The following TTC6 variants were observed in gnomAD, a reference collection of about 807,000 sequenced individuals.
The protein encoded by TTC6 is tetratricopeptide repeat domain 6, also known as tetratricopeptide repeat protein 6.
TTC6 carries 172 observed loss-of-function variants against 210.4 expected under a neutral mutation model. The ratio of observed to expected loss-of-function variants is 0.82; its 90% CI spans 0.72 to 0.93. The LOEUF (loss-of-function observed/expected upper bound fraction) is 0.93. TTC6 is among the 40% of genes least tolerant of loss of function. The pLI is 0.00. For missense variants in TTC6, 2,414 were observed against 2,318.1 expected (o/e 1.04, Z -0.85); for synonymous variants, 804 against 819.6 (o/e 0.98, Z 0.32).
At chr14:37,705,392 A>G (rs2095833502) in intron 5 of TTC6, among the ~76,000 whole-genome samples, 1 of 152,160 alleles carries the variant, frequency 6.6e-6, no homozygotes, top group Non-Finnish European at 1.5e-5. Context: ...ATGCAAGAAA[A>G]TGCGAAAATG....
chr14:37,812,228 C>G (rs2096131117), intron 24 of TTC6, 86 bp from the exon 27 acceptor site: 1 of 1,368,894 alleles, frequency 7.3e-7, no homozygotes, highest in Non-Finnish European at 9.9e-7. Flanking sequence ...CCATTGGGTC[C>G]TAGTTTGGAC....
intron 1 of TTC6, among the ~76,000 whole-genome samples, chr14:37,600,588 T>C (rs2095613895): frequency 6.6e-6 from 1 of 152,202 alleles, no homozygotes; most frequent in African/African-American, 2.4e-5. Flanking sequence ...TCAAATTACA[T>C]GGCACTATTT....
At chr14:37,742,977 G>A (rs191616323) in intron 10 of TTC6, among the ~76,000 whole-genome samples, 19 of 152,232 alleles carry the variant, frequency 1.2e-4, no homozygotes, top group Admixed American at 1.2e-3. Context: ...TAGTAAAATC[G>A]TCCTTATTTT....
chr14:37,699,108 A>T (rs539066625), intron 4 of TTC6, among the ~76,000 whole-genome samples: 2 of 152,174 alleles, frequency 1.3e-5, no homozygotes, highest in East Asian at 3.9e-4. Context: ...GCAACTTACA[A>T]AAAGAGACAG....
chr14:37,783,180 A>G (rs1292788684), intron 14 of TTC6, among the ~76,000 whole-genome samples: 4 of 152,012 alleles, frequency 2.6e-5, no homozygotes, highest in Admixed American at 2.6e-4. Context: ...TTTTCTATTG[A>G]TTGGAATAGT....
intron 14 of TTC6, among the ~76,000 whole-genome samples, chr14:37,780,917 T>C (rs563975065): frequency 6.6e-6 from 1 of 152,270 alleles, no homozygotes; most frequent in South Asian, 2.1e-4. Context: ...CTAAGAACGA[T>C]GATTTCCAGC....
At chr14:37,654,324 G>T (rs1325690439) in intron 1 of TTC6, among the ~76,000 whole-genome samples, 1 of 152,132 alleles carries the variant, frequency 6.6e-6, no homozygotes, top group Non-Finnish European at 1.5e-5. Flanking sequence ...TTTCCGTGAT[G>T]TGGTTGTTTC....
intron 3 of TTC6, among the ~76,000 whole-genome samples, chr14:37,685,471 A>G (rs1416598493): frequency 6.6e-6 from 1 of 152,206 alleles, no homozygotes; most frequent in Non-Finnish European, 1.5e-5. Context: ...GAGGGGGAAT[A>G]AAAAGAAAGA....
chr14:37,756,638 A>G (rs2139071250), intron 14 of TTC6, among the ~76,000 whole-genome samples: 3 of 152,168 alleles, frequency 2.0e-5, no homozygotes, highest in Admixed American at 2.0e-4. Flanking sequence ...TATTTATGTG[A>G]TGGATTACAT....
intron 10 of TTC6, among the ~76,000 whole-genome samples, chr14:37,747,538 CT>C (rs1156764600): frequency 1.3e-5 from 2 of 152,080 alleles, no homozygotes; most frequent in Non-Finnish European, 2.9e-5. Context: ...CAGTAGTGAT[CT>C]TTTTACAAGG....
intron 5 of TTC6, 94 bp from the exon 8 acceptor site, chr14:37,714,561 G>A: frequency 1.1e-6 from 1 of 942,784 alleles, no homozygotes; most frequent in Non-Finnish European, 1.5e-6. Flanking sequence ...AAATGTCCAT[G>A]TGTTTATTTC....
intron 17 of TTC6, among the ~76,000 whole-genome samples, chr14:37,792,698 A>C (rs1022796377): frequency 6.6e-6 from 1 of 151,774 alleles, no homozygotes; most frequent in Non-Finnish European, 1.5e-5. Context: ...ATGCGATAGG[A>C]ATAAACTAAA....
intron 12 of TTC6, 57 bp from the exon 15 acceptor site, chr14:37,750,996 T>G (rs1356954886): frequency 3.3e-6 from 4 of 1,202,072 alleles, no homozygotes; most frequent in Non-Finnish European, 3.3e-6. Flanking sequence ...ACTCTTAAAA[T>G]TTTCATAGGA....
exon 1 of TTC6, chr14:37,622,075 T>G (rs1204310287): frequency 6.5e-7 from 1 of 1,527,196 alleles, no homozygotes; most frequent in Admixed American, 2.0e-5. Context: ...ATGTCCACAA[T>G]CCCGAGACAC....
chr14:37,745,310 T>G (rs12431986), intron 10 of TTC6, among the ~76,000 whole-genome samples: 100,684 of 152,004 alleles, frequency 0.66, 33,912 homozygotes, highest in East Asian at 0.89. Flanking sequence ...AAGCTATCTT[T>G]GTTTTACACT....
At chr14:37,725,327 T>A (rs1314652545) in intron 7 of TTC6, among the ~76,000 whole-genome samples, 1 of 90,598 alleles carries the variant, frequency 1.1e-5, no homozygotes, top group East Asian at 2.7e-4. Context: ...TATATATATA[T>A]ATATATATAT....
chr14:37,821,906 G>A (rs1012761890), intron 26 of TTC6, among the ~76,000 whole-genome samples: 2 of 145,970 alleles, frequency 1.4e-5, no homozygotes, highest in South Asian at 2.3e-4. Context: ...TTAGCCTCCC[G>A]AGTAGCTGGG....
intron 20 of TTC6, among the ~76,000 whole-genome samples, chr14:37,798,018 A>G (rs2096096626): frequency 6.6e-6 from 1 of 152,200 alleles, no homozygotes; most frequent in East Asian, 1.9e-4. Flanking sequence ...CAATTTTTCT[A>G]TTACTGGCCC....
intron 21 of TTC6, 94 bp downstream of exon 23, chr14:37,804,908 G>A: frequency 5.0e-6 from 7 of 1,412,692 alleles, no homozygotes; most frequent in Non-Finnish European, 6.8e-6. Context: ...TATACAGTGG[G>A]CAACCGGTCC....
Sources: allele counts gnomAD v4.1 joint callset (sites outside exome capture counted in the v4.1 genomes callset), GRCh38; gene constraint gnomAD v4.1.1; transcripts MANE v1.5; gene names NCBI Gene and HGNC (gene_info 2026-07-23, HGNC 2026-07-21).